The following SOHLH2 variants were observed in gnomAD, a reference collection of about 807,000 sequenced individuals.
SOHLH2 encodes spermatogenesis- and oogenesis-specific basic helix-loop-helix-containing protein 2.
A neutral mutation model predicts 50.4 loss-of-function variants in SOHLH2; 22 were observed. That is an observed-to-expected ratio of 0.44 (90% CI 0.31 to 0.62). SOHLH2 has a LOEUF of 0.62. Ranked by LOEUF, SOHLH2 falls within the 20% of genes least tolerant of loss-of-function variation. The pLI is 0.08. For missense variants in SOHLH2, 412 were observed against 504.4 expected (o/e 0.82, Z 1.76); for synonymous variants, 185 against 187.3 (o/e 0.99, Z 0.10).
At chr13:36,169,503 T>C (rs1886905766) in intron 10 of SOHLH2, among the ~76,000 whole-genome samples, 1 of 152,214 alleles carries the variant, frequency 6.6e-6, no homozygotes, top group African/African-American at 2.4e-5. Context: ...GTATCTACCG[T>C]CAAAGGATCA....
intron 6 of SOHLH2, among the ~76,000 whole-genome samples, chr13:36,189,175 A>G (rs1566040384): frequency 6.6e-6 from 1 of 152,094 alleles, no homozygotes; most frequent in Non-Finnish European, 1.5e-5. Flanking sequence ...TCAGGAAATT[A>G]TCATTTCTTA....
intron 4 of SOHLH2, 140 bp downstream of exon 4, chr13:36,193,481 G>A (rs1171923373): frequency 2.0e-6 from 2 of 1,022,460 alleles, no homozygotes; most frequent in Non-Finnish European, 2.7e-6. Flanking sequence ...AACCTCTGAA[G>A]ATGTAGTTTT....
At chr13:36,194,152 G>C (rs1286615462) in intron 2 of SOHLH2, among the ~76,000 whole-genome samples, 1 of 151,346 alleles carries the variant, frequency 6.6e-6, no homozygotes, top group Non-Finnish European at 1.5e-5. Flanking sequence ...ACATTTTAAA[G>C]AACATCATGG....
rs376868741 is a variant in SOHLH2, at chr13:36,190,011, C to T, written c.576G>A (p.Ser192=). Residue 192 remains serine (S), a synonymous_variant, in exon 6 of 11, where the codon TCG becomes TCA. Coordinates refer to ENST00000379881, the MANE Select transcript of SOHLH2 (RefSeq NM_017826.3). ...RNGNGLELNA[S]LSEFEKNKKI... The stretch of plus-strand genomic sequence containing the variant: ...TTTTGTTTTTCTCGAACTCTGACAA[C>T]GAAGCATTTAATTCAAGCCCATTGC... The T allele has an allele frequency of 2.4e-5, 39 of 1,606,170 alleles. No homozygotes were observed. The highest frequency in any genetic ancestry group is 2.4e-4 in the African/African-American group (18 of 74,746).
chr13:36,186,105 A>G (rs1449775261), intron 6 of SOHLH2, among the ~76,000 whole-genome samples: 15 of 152,318 alleles, frequency 9.8e-5, no homozygotes, highest in Non-Finnish European at 7.4e-5. Flanking sequence ...GCAATAAACA[A>G]AAATTATCTA....
chr13:36,202,006 C>T lies in SOHLH2; in HGVS notation c.136G>A (p.Val46Ile), dbSNP rs1157862377. ...VQKLFANIAE[V>I]TITISDTKEA... The stretch of plus-strand genomic sequence containing the variant: ...TTCGTGTCACTGATGGTGATGGTGA[C>T]TTCTGCTATGTTTGCAAATAGTTTC... The change falls in exon 2 of 11, where the codon GTC becomes ATC. Residue 46 changes from valine to isoleucine, a missense_variant. Val to Ile is a conservative substitution (Grantham distance 29, BLOSUM62 3). Transcript: ENST00000379881. 6.2e-7 allele frequency: 1 copy of T among 1,614,070 alleles called. No homozygotes were observed. Among genetic ancestry groups the T allele is most frequent in the African/African-American group, 1.3e-5 (1 of 74,940 alleles).
intron 1 of SOHLH2, among the ~76,000 whole-genome samples, chr13:36,202,823 T>A (rs1868506204): frequency 6.6e-6 from 1 of 152,152 alleles, no homozygotes; most frequent in African/African-American, 2.4e-5. Flanking sequence ...AAAACAGATT[T>A]GGGAGGTGAT....
At position 36,184,460 on chromosome 13, in the gene SOHLH2, C is replaced by CTTTTTTTTTTTTTTTTTTTTTTTTT. The variant is rs1229884029; in HGVS notation, c.641+5485_641+5486insAAAAAAAAAAAAAAAAAAAAAAAAA. Among the ~76,000 whole-genome samples the CTTTTTTTTTTTTTTTTTTTTTTTTT allele has an allele frequency of 3.0e-3, 358 of 121,042 alleles. 36 individuals carry two copies. The highest frequency in any genetic ancestry group is 6.2e-3 in the East Asian group (27 of 4,344). 79.4% of individuals were successfully genotyped at this position (121,042 alleles called of 152,430 possible). ...GATGGAAGTTTCTACCTACAAAGAC[C>CTTTTTTTTTTTTTTTTTTTTTTTTT]TTTTTTTTTTTTTTTTTTTGAGACG... On this transcript the variant is annotated intron_variant, in intron 6 of 10. Transcript: ENST00000379881.
chr13:36,200,430 T>C (rs886719703), intron 2 of SOHLH2, among the ~76,000 whole-genome samples: 4 of 152,170 alleles, frequency 2.6e-5, no homozygotes, highest in Non-Finnish European at 5.9e-5. Context: ...TGTCTGTCTG[T>C]CTCTCTGTTT....
chr13:36,208,950 T>C lies in SOHLH2; in HGVS notation c.48+5529A>G, dbSNP rs572660630. Among the ~76,000 whole-genome samples, 3 of 152,328 alleles carry C rather than the reference T, an allele frequency of 2.0e-5. No individual in the cohort carries two copies. In the South Asian group the frequency reaches 6.2e-4, roughly 32 times the overall value. ...CCTTTGGATGCTTTTCTCCTCTTTT[T>C]CCTCTGCATTCTGATAGTTTCTAGG... On this transcript the variant is annotated intron_variant, in intron 1 of 10. Transcript: ENST00000379881.
intron 6 of SOHLH2, among the ~76,000 whole-genome samples, chr13:36,175,117 C>T (rs4142241): frequency 0.59 from 89,864 of 152,098 alleles, 26,721 homozygotes; most frequent in East Asian, 0.68. Context: ...CTGTGTGTGC[C>T]GATGGCAGCC....
At position 36,175,611 on chromosome 13, in the gene SOHLH2, A is replaced by C. The variant is rs956246868; in HGVS notation, c.642-742T>G. Among the ~76,000 whole-genome samples, 40 of 152,220 alleles carry C rather than the reference A, an allele frequency of 2.6e-4. 2 individuals carry two copies. ...TTTAAGCACCTGTTTTGTGCTGAATACTACCTTGACATCTACAGGGTTGAA... is the reference window on the plus strand; with the variant it reads ...TTTAAGCACCTGTTTTGTGCTGAATCCTACCTTGACATCTACAGGGTTGAA... On this transcript the variant is annotated intron_variant, in intron 6 of 10. Coordinates refer to ENST00000379881, the MANE Select transcript of SOHLH2 (RefSeq NM_017826.3).
intron 1 of SOHLH2, among the ~76,000 whole-genome samples, chr13:36,205,659 A>G (rs901931289): frequency 1.3e-5 from 2 of 152,118 alleles, no homozygotes; most frequent in African/African-American, 4.8e-5. Flanking sequence ...TATGTTCATA[A>G]ATGAATCTTG....
intron 10 of SOHLH2, 152 bp from the exon 11 acceptor site, chr13:36,169,206 A>G: frequency 8.5e-7 from 1 of 1,179,838 alleles, no homozygotes; most frequent in East Asian, 3.1e-5. Flanking sequence ...AGGTTTTTAA[A>G]TATATATTCT....
chr13:36,185,349 T>C (rs935099465), intron 6 of SOHLH2, among the ~76,000 whole-genome samples: 1 of 151,718 alleles, frequency 6.6e-6, no homozygotes, highest in Non-Finnish European at 1.5e-5. Context: ...CACCTGTAAT[T>C]CCAGCTGCTT....
At chr13:36,179,693 A>G (rs751453640) in intron 6 of SOHLH2, among the ~76,000 whole-genome samples, 24 of 152,106 alleles carry the variant, frequency 1.6e-4, no homozygotes, top group Non-Finnish European at 3.2e-4. Flanking sequence ...AATTACAGGT[A>G]TGAGCCACCA....
At chr13:36,204,691 T>G (rs1868647747) in intron 1 of SOHLH2, among the ~76,000 whole-genome samples, 1 of 152,150 alleles carries the variant, frequency 6.6e-6, no homozygotes, top group Non-Finnish European at 1.5e-5. Flanking sequence ...TACTAGCTCT[T>G]TATAGTGTGT....
chr13:36,190,136 A>C (rs189934645), intron 5 of SOHLH2, 80 bp from the exon 6 acceptor site: 2 of 1,286,630 alleles, frequency 1.6e-6, no homozygotes, highest in East Asian at 5.0e-5. Flanking sequence ...CCAATACACT[A>C]AACAAAGGAT....
At chr13:36,177,964 C>T (rs1887137837) in intron 6 of SOHLH2, among the ~76,000 whole-genome samples, 1 of 151,810 alleles carries the variant, frequency 6.6e-6, no homozygotes, top group Non-Finnish European at 1.5e-5. Context: ...CTTTCTATGT[C>T]CTGTCTAAAG....
Sources: gnomAD v4.1 joint callset for allele counts (sites outside exome capture counted in the v4.1 genomes callset) on GRCh38, gnomAD v4.1.1 for gene constraint, MANE v1.5 for transcripts, NCBI Gene and HGNC (gene_info 2026-07-23, HGNC 2026-07-21) for gene names.